Variants in DDI2 observed in about 807,000 individuals in gnomAD.
The protein encoded by DDI2 is protein DDI1 homolog 2.
A neutral mutation model predicts 48.1 loss-of-function variants in DDI2; 5 were observed. The ratio of observed to expected loss-of-function variants is 0.10; its 90% CI spans 0.05 to 0.22. The LOEUF is 0.22. Among genes scored for constraint, DDI2 ranks in the 10% least tolerant of loss-of-function variants. DDI2 has a pLI of 1.00. For synonymous variants in DDI2, 205 were observed against 183.6 expected, an observed-to-expected ratio of 1.12 and a Z score of -0.94; for missense variants, 285 against 506.2, an observed-to-expected ratio of 0.56 and a Z score of 4.19.
At chr1:15,627,767 A>C (rs1639781674) in intron 2 of DDI2, among the ~76,000 whole-genome samples, 1 of 152,194 alleles carries the variant, frequency 6.6e-6, no homozygotes, top group African/African-American at 2.4e-5. Context: ...GTAGGTCACC[A>C]GTTTTAAAGT....
intron 7 of DDI2, among the ~76,000 whole-genome samples, chr1:15,650,245 T>C (rs1640156712): frequency 6.6e-6 from 1 of 152,180 alleles, no homozygotes; most frequent in Non-Finnish European, 1.5e-5. Flanking sequence ...GGAGTGAAAG[T>C]GTTTATTTAG....
At chr1:15,630,990 C>T (rs1437452425) in intron 3 of DDI2, among the ~76,000 whole-genome samples, 1 of 152,150 alleles carries the variant, frequency 6.6e-6, no homozygotes, top group Admixed American at 6.5e-5. Context: ...ACTACAGGCG[C>T]ATGCTGCCAC....
At chr1:15,635,365 C>G (rs1334450821) in intron 4 of DDI2, among the ~76,000 whole-genome samples, 1 of 152,090 alleles carries the variant, frequency 6.6e-6, no homozygotes, top group Non-Finnish European at 1.5e-5. Flanking sequence ...ATGTTTCTTT[C>G]TAGGGCTTGA....
At chr1:15,645,959 G>A (rs1320098513) in intron 6 of DDI2, among the ~76,000 whole-genome samples, 4 of 152,084 alleles carry the variant, frequency 2.6e-5, no homozygotes, top group South Asian at 2.1e-4. Context: ...TTCACTGTAG[G>A]GTGGGTCTGA....
At chr1:15,619,038 C>T (rs970300900) in intron 1 of DDI2, among the ~76,000 whole-genome samples, 16 of 152,242 alleles carry the variant, frequency 1.1e-4, no homozygotes, top group African/African-American at 3.4e-4. Context: ...GCTCAGGAAC[C>T]AGTTCTGTCA....
At chr1:15,625,774 A>G (rs1436368545) in intron 1 of DDI2, among the ~76,000 whole-genome samples, 1 of 152,124 alleles carries the variant, frequency 6.6e-6, no homozygotes, top group African/African-American at 2.4e-5. Context: ...ACGTGCCACG[A>G]CACTGGGCTA....
Position 15,617,813 on chromosome 1 carries a change from G to T in DDI2, c.138+5G>T. 1 of 1,590,082 alleles carries T rather than the reference G, an allele frequency of 6.3e-7. No homozygotes were observed. The highest frequency in any genetic ancestry group is 1.7e-5 in the Admixed American group (1 of 58,790). ...ATCCCCGCAGCCGAGAGCCAGGTAC[G>T]CCGGGCAGCGAGCCGGGCCTGCCCC... is the stretch of plus-strand genomic sequence containing the variant. On this transcript the variant is annotated splice_donor_5th_base_variant and intron_variant, in intron 1 of 9. Coordinates refer to ENST00000480945, the MANE Select transcript of DDI2 (RefSeq NM_032341.5).
At chr1:15,626,168 A>C (rs746985157) in intron 1 of DDI2, among the ~76,000 whole-genome samples, 2 of 152,260 alleles carry the variant, frequency 1.3e-5, no homozygotes, top group Non-Finnish European at 1.5e-5. Flanking sequence ...AGCATCAGTT[A>C]TATAACAGGC....
chr1:15,640,315 A>G (rs1028557283), intron 5 of DDI2, among the ~76,000 whole-genome samples: 1 of 152,284 alleles, frequency 6.6e-6, no homozygotes, highest in African/African-American at 2.4e-5. Context: ...GAATATCTCT[A>G]TGTACTTTGT....
At chr1:15,633,683 A>T in intron 4 of DDI2, 118 bp downstream of exon 4, 2 of 1,469,288 alleles carry the variant, frequency 1.4e-6, no homozygotes, top group Admixed American at 1.7e-5. Flanking sequence ...TGCAGTTGAG[A>T]TAGTAACCTC....
At chr1:15,626,868 G>A in intron 2 of DDI2, 70 bp downstream of exon 2, 1 of 1,594,116 alleles carries the variant, frequency 6.3e-7, no homozygotes, top group Non-Finnish European at 8.6e-7. Context: ...GCACCTCAGA[G>A]TTTTGGATTC....
intron 1 of DDI2, among the ~76,000 whole-genome samples, chr1:15,623,315 G>T (rs1321179244): frequency 6.6e-6 from 1 of 151,768 alleles, no homozygotes; most frequent in African/African-American, 2.4e-5. Context: ...GTTATGTTCG[G>T]GAAAGCTGTA....
rs750914295 is a variant in DDI2, at chr1:15,659,964, T to C, written c.*174T>C. ...GTAATCCTATGAGTCTTGCTCGCTC[T>C]GTCTCTGCTTCAGTCTGCCCTATCA... On this transcript the variant is annotated 3_prime_UTR_variant, in exon 10 of 10. Transcript: ENST00000480945. 1.2e-6 allele frequency: 2 copies of C among 1,614,238 alleles called. No individual in the cohort carries two copies. Among genetic ancestry groups the C allele is most frequent in the Non-Finnish European group, 8.5e-7 (1 of 1,180,036 alleles).
At chr1:15,619,619 G>A (rs1239747226) in intron 1 of DDI2, among the ~76,000 whole-genome samples, 3 of 150,950 alleles carry the variant, frequency 2.0e-5, no homozygotes, top group African/African-American at 4.9e-5. Flanking sequence ...CCACCACCGC[G>A]CCCGACTCAT....
At chr1:15,628,031 G>C (rs1639785012) in intron 2 of DDI2, among the ~76,000 whole-genome samples, 1 of 151,748 alleles carries the variant, frequency 6.6e-6, no homozygotes, top group South Asian at 2.1e-4. Flanking sequence ...TGGTTAATTT[G>C]ATGAGATTAT....
chr1:15,663,039 G>C lies in DDI2; in HGVS notation c.*3249G>C, dbSNP rs1640404935. 1 of 152,146 alleles carries C rather than the reference G, an allele frequency of 6.6e-6. No homozygotes were observed. The highest frequency in any genetic ancestry group is 2.4e-5 in the African/African-American group (1 of 41,428). The allele number at this position is 152,146 out of a possible 1,614,324, so 9.4% of individuals were successfully genotyped here. On this transcript the variant is annotated 3_prime_UTR_variant, in exon 10 of 10. Coordinates refer to ENST00000480945, the MANE Select transcript of DDI2 (RefSeq NM_032341.5). Reference sequence around the variant, plus strand: ...GCCCCACTGTGCAATAATCCTACTGGATAGGTTTTAGATAATTCTTTCCTG... The same window carrying C: ...GCCCCACTGTGCAATAATCCTACTGCATAGGTTTTAGATAATTCTTTCCTG...
At chr1:15,659,475 A>G (rs1247161670) in intron 9 of DDI2, among the ~76,000 whole-genome samples, 1 of 152,218 alleles carries the variant, frequency 6.6e-6, no homozygotes, top group Non-Finnish European at 1.5e-5. Flanking sequence ...AAGTGGTGAA[A>G]AAAGTACACT....
chr1:15,619,502 C>T (rs1402034062), intron 1 of DDI2, among the ~76,000 whole-genome samples: 1 of 150,262 alleles, frequency 6.7e-6, no homozygotes, highest in Non-Finnish European at 1.5e-5. Flanking sequence ...GTCTCTGTCG[C>T]CTAGGCTGGA....
rs2148313175 is a variant in DDI2 at position 15,667,314 on chromosome 1, G to C, written c.*7524G>C. On this transcript the variant is annotated 3_prime_UTR_variant, in exon 10 of 10. Coordinates refer to ENST00000480945, the MANE Select transcript of DDI2 (RefSeq NM_032341.5). Reference sequence around the variant, plus strand: ...ATTGAGAAATCCATTTACAATGCTGGAGGAGAGGGGATGGCCAGGAAAGAA... The same window carrying C: ...ATTGAGAAATCCATTTACAATGCTGCAGGAGAGGGGATGGCCAGGAAAGAA... 1 of 152,288 alleles carries C rather than the reference G, an allele frequency of 6.6e-6. No individual in the cohort carries two copies. Among genetic ancestry groups the C allele is most frequent in the Admixed American group, 6.5e-5 (1 of 15,270 alleles). 9.4% of individuals were successfully genotyped at this position (152,288 alleles called of 1,614,324 possible). A position where few individuals can be genotyped will look rare whatever the true frequency, so the allele number is the denominator to read the frequency against.
Sources: gnomAD v4.1 joint callset for allele counts (sites outside exome capture counted in the v4.1 genomes callset) on GRCh38, gnomAD v4.1.1 for gene constraint, MANE v1.5 for transcripts, NCBI Gene and HGNC (gene_info 2026-07-23, HGNC 2026-07-21) for gene names.